SHLD2: variants seen among roughly 807,000 people sequenced by gnomAD.
The protein encoded by SHLD2 is shieldin complex subunit 2.
SHLD2 carries 30 observed loss-of-function variants against 73.2 expected under a neutral mutation model. The ratio of observed to expected loss-of-function variants is 0.41; its 90% CI spans 0.31 to 0.56. The LOEUF (loss-of-function observed/expected upper bound fraction) is 0.56, where lower values mean the gene tolerates loss of function less well. SHLD2 is among the 20% of genes least tolerant of loss of function. The probability of loss-of-function intolerance (pLI) is 0.28; values close to 1 mark genes in which losing one functional copy is unlikely to be tolerated. For missense variants in SHLD2, 745 were observed against 1,055.9 expected (o/e 0.71, Z 4.08); for synonymous variants, 285 against 370.1 (o/e 0.77, Z 2.64).
intron 8 of SHLD2, among the ~76,000 whole-genome samples, chr10:87,181,262 G>A (rs1589664653): frequency 6.7e-6 from 1 of 149,152 alleles, no homozygotes; most frequent in East Asian, 2.0e-4. Context: ...ACATAGGCCT[G>A]TAGTCCCAGC....
intron 3 of SHLD2, 99 bp downstream of exon 3, chr10:87,152,978 T>C: frequency 8.5e-7 from 1 of 1,178,326 alleles, no homozygotes. Context: ...CTTTAGTCAT[T>C]TGCCTCTTCT....
intron 1 of SHLD2, among the ~76,000 whole-genome samples, chr10:87,095,982 G>A (rs888438079): frequency 1.3e-5 from 2 of 152,204 alleles, no homozygotes; most frequent in African/African-American, 2.4e-5. Context: ...ATGCCCCCAG[G>A]AAATTCTTTC....
chr10:87,160,732 G>T (rs536597094), intron 4 of SHLD2, among the ~76,000 whole-genome samples: 1 of 152,338 alleles, frequency 6.6e-6, no homozygotes, highest in East Asian at 1.9e-4. Flanking sequence ...GCTCACGCCT[G>T]TAATCCCAGC....
intron 4 of SHLD2, among the ~76,000 whole-genome samples, chr10:87,169,712 C>T (rs557655094): frequency 6.6e-6 from 1 of 150,670 alleles, no homozygotes; most frequent in Non-Finnish European, 1.5e-5. Flanking sequence ...TCAGCCTGTA[C>T]ATTTAAAATA....
intron 2 of SHLD2, among the ~76,000 whole-genome samples, chr10:87,111,965 C>T (rs1350984964): frequency 1.3e-5 from 2 of 151,822 alleles, no homozygotes; most frequent in Non-Finnish European, 2.9e-5. Flanking sequence ...AGGCCAGGTG[C>T]GGTAGCTCAC....
In SHLD2 at chr10:87,158,125, G is replaced by A; in HGVS notation, c.1603G>A (p.Gly535Arg). The A allele has an allele frequency of 6.2e-7, 1 of 1,611,250 alleles. No homozygotes were observed. The highest frequency in any genetic ancestry group is 8.5e-7 in the Non-Finnish European group (1 of 1,179,488). Residue 535 changes from glycine (G) to arginine (R), a missense_variant, in exon 4 of 10, where the codon GGG becomes AGG. Around this residue, in one of 5 missense-constraint regions of SHLD2, gnomAD observed 418 missense variants for 567.8 expected, o/e 0.74. Transcript: ENST00000298786. The stretch of plus-strand genomic sequence containing the variant: ...ATTTAGCAGTCAGTTATTAAATCTT[G>A]GGAGTTATTCATCTATTCAGCCTGA... ...STFSSQLLNL[G>R]SYSSIQPEEY...
intron 3 of SHLD2, chr10:87,154,008 T>A (rs1846197874): frequency 6.6e-6 from 1 of 152,138 alleles, no homozygotes; most frequent in South Asian, 2.1e-4. Context: ...ATTTTTAAAT[T>A]GTTATTTTTA....
At chr10:87,119,251 C>G in intron 2 of SHLD2, among the ~76,000 whole-genome samples, 1 of 151,758 alleles carries the variant, frequency 6.6e-6, no homozygotes, top group Non-Finnish European at 1.5e-5. Flanking sequence ...CAAAACCTGC[C>G]TGGGCAAACA....
chr10:87,120,494 G>A (rs568058045), intron 2 of SHLD2, among the ~76,000 whole-genome samples: 37 of 151,796 alleles, frequency 2.4e-4, no homozygotes, highest in South Asian at 1.5e-3. Context: ...TGATCTGCCC[G>A]CCTCGGCCTC....
At chr10:87,138,096 G>A (rs1312650666) in intron 2 of SHLD2, among the ~76,000 whole-genome samples, 2 of 152,076 alleles carry the variant, frequency 1.3e-5, no homozygotes, top group East Asian at 3.9e-4. Flanking sequence ...TCAAGAGGTC[G>A]AGACCATCCT....
rs188288544 is a variant in SHLD2 at position 87,109,361 on chromosome 10, C to G, written c.-6+12372C>G. ...TTGCTCAGGCTGGAGTGCAATGGCT[C>G]GATCTCGGCTCACTGCAGCCTCTGC... On this transcript the variant is annotated intron_variant, in intron 2 of 9. Transcript: ENST00000298786. 2.0e-5 allele frequency among the ~76,000 whole-genome samples: 3 copies of G among 150,786 alleles called. No homozygotes were observed. In the East Asian group the frequency reaches 5.8e-4, roughly 29 times the overall value.
chr10:87,128,949 C>A (rs1844232678), intron 2 of SHLD2, among the ~76,000 whole-genome samples: 1 of 152,176 alleles, frequency 6.6e-6, no homozygotes, highest in South Asian at 2.1e-4. Context: ...CTCGCCCAGG[C>A]TGGAGTGCAG....
chr10:87,102,427 G>A (rs1428652707), intron 2 of SHLD2, among the ~76,000 whole-genome samples: 1 of 152,096 alleles, frequency 6.6e-6, no homozygotes, highest in Non-Finnish European at 1.5e-5. Flanking sequence ...TAAATTGTTG[G>A]CTGGGCACAG....
At chr10:87,102,734 A>G (rs1412194183) in intron 2 of SHLD2, among the ~76,000 whole-genome samples, 1 of 152,120 alleles carries the variant, frequency 6.6e-6, no homozygotes. Flanking sequence ...AAAAATTTTT[A>G]AAAATTGTTT....
intron 2 of SHLD2, among the ~76,000 whole-genome samples, chr10:87,144,716 TC>T (rs1845463052): frequency 7.2e-6 from 1 of 137,970 alleles, no homozygotes; most frequent in Non-Finnish European, 1.5e-5. Flanking sequence ...AAGCTCCGCC[TC>T]CCTGGTTCAC....
intron 2 of SHLD2, among the ~76,000 whole-genome samples, chr10:87,138,602 A>G (rs1324672313): frequency 6.6e-6 from 1 of 152,244 alleles, no homozygotes; most frequent in African/African-American, 2.4e-5. Flanking sequence ...AGATGGAATT[A>G]TACTGTCATA....
intron 2 of SHLD2, among the ~76,000 whole-genome samples, chr10:87,149,814 C>T (rs1249668382): frequency 4.6e-5 from 7 of 152,056 alleles, no homozygotes; most frequent in Non-Finnish European, 5.9e-5. Flanking sequence ...CTGCAATGTC[C>T]GCCTCTCAGG....
intron 2 of SHLD2, among the ~76,000 whole-genome samples, chr10:87,132,992 A>C (rs1844538764): frequency 6.6e-6 from 1 of 152,148 alleles, no homozygotes; most frequent in African/African-American, 2.4e-5. Flanking sequence ...TGAAGGGCTC[A>C]ATGGTCCCTA....
At chr10:87,111,758 G>GT (rs1302335277) in intron 2 of SHLD2, among the ~76,000 whole-genome samples, 1 of 150,964 alleles carries the variant, frequency 6.6e-6, no homozygotes, top group Non-Finnish European at 1.5e-5. Flanking sequence ...GATTACAGGT[G>GT]TGAGCCACTG....
Sources: gnomAD v4.1 joint callset for allele counts (sites outside exome capture counted in the v4.1 genomes callset) on GRCh38, gnomAD v4.1.1 for gene constraint, gnomAD v4.1.1 regional missense constraint, MANE v1.5 for transcripts, NCBI Gene and HGNC (gene_info 2026-07-23, HGNC 2026-07-21) for gene names.